Variants in NCAM1 observed in about 807,000 individuals in gnomAD.
NCAM1 encodes the protein neural cell adhesion molecule 1.
Under a neutral mutation model 109.8 loss-of-function variants are expected in NCAM1, and 14 were observed. That is an observed-to-expected ratio of 0.13 (90% CI 0.08 to 0.20). NCAM1 has a LOEUF of 0.20. Among genes scored for constraint, NCAM1 ranks in the 10% least tolerant of loss-of-function variants. The pLI is 1.00. For synonymous variants in NCAM1, 418 were observed against 442.9 expected (o/e 0.94, Z 0.70); for missense variants, 774 against 1,109.9 (o/e 0.70, Z 4.30).
chr11:113,181,472 C>T lies in NCAM1; in HGVS notation c.53-20907C>T, dbSNP rs1857426201. 2.0e-5 allele frequency among the ~76,000 whole-genome samples: 3 copies of T among 152,154 alleles called. No individual in the cohort carries two copies. The South Asian group carries it at 6.2e-4, about 32-fold the overall frequency. On this transcript the variant is annotated intron_variant, in intron 1 of 19. Transcript: ENST00000316851. ...ATAAGTGGGAGCTGAACAGTGAGAA[C>T]ACGTGGACACATGGGATGCGGAACA...
At chr11:113,268,834 C>G (rs150177303) in intron 17 of NCAM1, among the ~76,000 whole-genome samples, 27 of 152,222 alleles carry the variant, frequency 1.8e-4, no homozygotes, top group Admixed American at 5.2e-4. Flanking sequence ...CAAAGCCTAG[C>G]GAGCTGGGTT....
intron 1 of NCAM1, among the ~76,000 whole-genome samples, chr11:112,964,140 GTTTTTTT>G (rs1254307069): frequency 2.7e-5 from 2 of 72,912 alleles, no homozygotes; most frequent in South Asian, 3.7e-4. Flanking sequence ...TTTTTTTTTT[GTTTTTTT>G]TTTTTTTGTT....
Position 113,273,341 on chromosome 11 carries a change from C to T in NCAM1, c.2456+1465C>T. 2.9e-6 allele frequency: 1 copy of T among 341,216 alleles called. No individual in the cohort carries two copies. The highest frequency in any genetic ancestry group is 5.8e-6 in the Non-Finnish European group (1 of 171,720). 21.1% of individuals were successfully genotyped at this position (341,216 alleles called of 1,614,324 possible). A position where few individuals can be genotyped will look rare whatever the true frequency, so the allele number is the denominator to read the frequency against. On this transcript the variant is annotated intron_variant, in intron 19 of 19. Coordinates refer to ENST00000316851, the MANE Select transcript of NCAM1 (RefSeq NM_181351.5). The surrounding 1 kb of genome is among the most constrained non-coding windows in gnomAD (Gnocchi z 6.0). ...AGGCCTCTAAGGCTCCTCCGGCCAG[C>T]AAGCCCACCCCTGCACCAGTCCCCA...
intron 1 of NCAM1, among the ~76,000 whole-genome samples, chr11:112,967,775 AT>A (rs1484750504): frequency 6.6e-6 from 1 of 152,200 alleles, no homozygotes; most frequent in Non-Finnish European, 1.5e-5. Context: ...GTCACTAAAT[AT>A]GCCTGCAATT....
intron 17 of NCAM1, chr11:113,264,824 C>T: frequency 1.0e-6 from 1 of 985,438 alleles, no homozygotes; most frequent in Non-Finnish European, 1.2e-6. Flanking sequence ...TAGACAGACC[C>T]ACGGCTTGTA....
At chr11:113,136,764 G>A (rs1315315253) in intron 1 of NCAM1, among the ~76,000 whole-genome samples, 1 of 152,194 alleles carries the variant, frequency 6.6e-6, no homozygotes, top group Non-Finnish European at 1.5e-5. Flanking sequence ...GCTGGGCTGT[G>A]GAGAGGGTGG....
chr11:113,015,718 G>C (rs1236157628), intron 1 of NCAM1, among the ~76,000 whole-genome samples: 12 of 151,784 alleles, frequency 7.9e-5, no homozygotes, highest in Admixed American at 7.9e-4. Context: ...CTGGGTGACA[G>C]AGACTCCATC....
At chr11:112,970,973 A>G (rs1950863102) in intron 1 of NCAM1, among the ~76,000 whole-genome samples, 1 of 152,156 alleles carries the variant, frequency 6.6e-6, no homozygotes, top group Admixed American at 6.5e-5. Flanking sequence ...TAATCATGGT[A>G]CTGTAAATAT....
chr11:113,231,340 C>T (rs990533101), intron 9 of NCAM1: 1 of 1,512,526 alleles, frequency 6.6e-7, no homozygotes, highest in Non-Finnish European at 8.9e-7. Context: ...TTTAGACATC[C>T]CAAACAAAGT....
intron 1 of NCAM1, among the ~76,000 whole-genome samples, chr11:113,053,254 C>A (rs1210264765): frequency 6.6e-6 from 1 of 152,156 alleles, no homozygotes; most frequent in African/African-American, 2.4e-5. Flanking sequence ...TTTTTTATGG[C>A]TGCATAGTAT....
intron 15 of NCAM1, among the ~76,000 whole-genome samples, chr11:113,252,895 C>G (rs1408272026): frequency 1.4e-5 from 2 of 144,544 alleles, no homozygotes; most frequent in Non-Finnish European, 3.0e-5. Flanking sequence ...AAGTGATCCA[C>G]CTGCCTCAGC....
At chr11:113,047,209 C>T (rs148780006) in intron 1 of NCAM1, among the ~76,000 whole-genome samples, 3 of 152,230 alleles carry the variant, frequency 2.0e-5, no homozygotes, top group African/African-American at 7.2e-5. Context: ...AAAGTAAATC[C>T]TATTTTCCCA....
chr11:112,967,296 A>C (rs1432859662), intron 1 of NCAM1, among the ~76,000 whole-genome samples: 1 of 152,232 alleles, frequency 6.6e-6, no homozygotes, highest in Non-Finnish European at 1.5e-5. Context: ...GTGTTACATT[A>C]GGTATTCTCT....
chr11:113,156,198 T>C (rs1159357925), intron 1 of NCAM1, among the ~76,000 whole-genome samples: 2 of 152,154 alleles, frequency 1.3e-5, no homozygotes, highest in Non-Finnish European at 2.9e-5. Flanking sequence ...ACTAAAATGT[T>C]GAGACTTACT....
intron 1 of NCAM1, among the ~76,000 whole-genome samples, chr11:113,129,110 G>A (rs1436106): frequency 0.63 from 95,327 of 151,860 alleles, 30,303 homozygotes; most frequent in Admixed American, 0.74. Context: ...AACCTGATAG[G>A]TGAAGTCTGG....
At chr11:113,266,213 C>A (rs1555124382) in intron 17 of NCAM1, among the ~76,000 whole-genome samples, 1 of 152,230 alleles carries the variant, frequency 6.6e-6, no homozygotes, top group Admixed American at 6.5e-5. Context: ...CTAAACAATT[C>A]TGTGATAGCC....
At chr11:113,047,920 C>A (rs1555081120) in intron 1 of NCAM1, among the ~76,000 whole-genome samples, 3 of 152,130 alleles carry the variant, frequency 2.0e-5, no homozygotes, top group Non-Finnish European at 1.5e-5. Flanking sequence ...ATTATGGTAG[C>A]TACAATTGAA....
At chr11:113,112,106 T>C (rs1305233844) in intron 1 of NCAM1, among the ~76,000 whole-genome samples, 1 of 152,146 alleles carries the variant, frequency 6.6e-6, no homozygotes, top group East Asian at 1.9e-4. Context: ...ATTAGGTAGC[T>C]GAAGACTCCT....
chr11:113,252,112 C>T (rs1219957628), intron 15 of NCAM1, among the ~76,000 whole-genome samples: 6 of 152,136 alleles, frequency 3.9e-5, no homozygotes, highest in African/African-American at 1.4e-4. Flanking sequence ...ATATGAGCTT[C>T]CTGTAGAAAT....
Sources: gnomAD v4.1 joint callset for allele counts (sites outside exome capture counted in the v4.1 genomes callset) on GRCh38, gnomAD v4.1.1 for gene constraint, Gnocchi (gnomAD v3.1) non-coding constraint, MANE v1.5 for transcripts, NCBI Gene and HGNC (gene_info 2026-07-23, HGNC 2026-07-21) for gene names.